PDZRN3: variants seen among roughly 807,000 people sequenced by gnomAD.
PDZRN3 encodes PDZ domain containing ring finger 3.
A neutral mutation model predicts 85.7 loss-of-function variants in PDZRN3; 38 were observed. The observed-to-expected ratio is 0.44, with a 90% confidence interval of 0.34 to 0.58. The LOEUF is 0.58. PDZRN3 is among the 20% of genes least tolerant of loss of function. The pLI is 0.01. For missense variants in PDZRN3, 1,629 were observed against 1,506.4 expected, an observed-to-expected ratio of 1.08 and a Z score of -1.35; for synonymous variants, 759 against 638.0, an observed-to-expected ratio of 1.19 and a Z score of -2.86.
chr3:73,519,626 G>C (rs1704317589), intron 3 of PDZRN3, among the ~76,000 whole-genome samples: 1 of 152,190 alleles, frequency 6.6e-6, no homozygotes, highest in Non-Finnish European at 1.5e-5. Context: ...GGCAGCCCAT[G>C]TCCAGGCATG....
intron 3 of PDZRN3, among the ~76,000 whole-genome samples, chr3:73,567,092 G>C (rs922529266): frequency 1.4e-4 from 21 of 152,248 alleles, no homozygotes; most frequent in African/African-American, 4.8e-4. Context: ...GAAAAACCTA[G>C]TTGTTATTAG....
intron 3 of PDZRN3, among the ~76,000 whole-genome samples, chr3:73,484,750 T>G (rs1703633235): frequency 6.6e-6 from 1 of 152,178 alleles, no homozygotes. Flanking sequence ...GCAACACCCA[T>G]GAGCTTCTTA....
Position 73,386,226 on chromosome 3 carries a change from CT to C in PDZRN3, c.1519-442del, listed in dbSNP as rs71126867. 6.5e-3 allele frequency among the ~76,000 whole-genome samples: 592 copies of C among 90,698 alleles called. 14 individuals are homozygous for C. Among genetic ancestry groups the C allele is most frequent in the South Asian group, 0.059 (153 of 2,582 alleles). The allele number at this position is 90,698 out of a possible 152,430, so 59.5% of individuals were successfully genotyped here. ...GCTGTTTGGCTTGGGCAAGATATCA[CT>C]TTTTTTTTTTTTTTTTTTGAGACAG... On this transcript the variant is annotated intron_variant, in intron 8 of 9. Coordinates refer to ENST00000263666, the MANE Select transcript of PDZRN3 (RefSeq NM_015009.3).
chr3:73,525,218 C>G (rs1704493811), intron 3 of PDZRN3, among the ~76,000 whole-genome samples: 1 of 152,048 alleles, frequency 6.6e-6, no homozygotes, highest in Non-Finnish European at 1.5e-5. Context: ...TAGCATGTTT[C>G]AGCATTTATA....
intron 3 of PDZRN3, among the ~76,000 whole-genome samples, chr3:73,429,233 T>C (rs910748643): frequency 2.0e-5 from 3 of 152,116 alleles, no homozygotes; most frequent in Non-Finnish European, 2.9e-5. Flanking sequence ...TCTTTTTCCA[T>C]ACCTACTTTG....
chr3:73,555,691 G>A (rs1056741480), intron 3 of PDZRN3, among the ~76,000 whole-genome samples: 16 of 152,078 alleles, frequency 1.1e-4, no homozygotes, highest in Non-Finnish European at 1.9e-4. Context: ...TTTAACAGCA[G>A]GAGAAGAGAA....
chr3:73,466,348 G>C (rs1205420497), intron 3 of PDZRN3, among the ~76,000 whole-genome samples: 1 of 151,306 alleles, frequency 6.6e-6, no homozygotes, highest in Non-Finnish European at 1.5e-5. Flanking sequence ...GGGGCCCTTG[G>C]AGTTCTTTTA....
At chr3:73,515,488 C>A (rs958367656) in intron 3 of PDZRN3, among the ~76,000 whole-genome samples, 5 of 152,168 alleles carry the variant, frequency 3.3e-5, no homozygotes, top group Non-Finnish European at 5.9e-5. Context: ...ATCAGCCCTT[C>A]TTAAACACCT....
intron 3 of PDZRN3, among the ~76,000 whole-genome samples, chr3:73,601,033 T>C (rs1225423693): frequency 6.6e-6 from 1 of 152,192 alleles, no homozygotes; most frequent in Non-Finnish European, 1.5e-5. Flanking sequence ...CATTTTAGCA[T>C]GTAAGTTAGC....
At chr3:73,410,776 A>G (rs1307292213) in intron 3 of PDZRN3, among the ~76,000 whole-genome samples, 1 of 152,216 alleles carries the variant, frequency 6.6e-6, no homozygotes, top group Non-Finnish European at 1.5e-5. Flanking sequence ...TCAGATACCA[A>G]TCCCACCTTA....
At position 73,586,825 on chromosome 3, in the gene PDZRN3, G is replaced by A. The variant is rs561792869; in HGVS notation, c.918+15529C>T. Among the ~76,000 whole-genome samples the A allele has an allele frequency of 1.1e-4, 17 of 152,304 alleles. No individual in the cohort carries two copies. The South Asian group carries it at 3.1e-3, about 28-fold the overall frequency. ...TTAGAAATGAGTTATGCCTCCAAAG[G>A]CTGGAGCTATGTCCCTTTGTGGTAA... On this transcript the variant is annotated intron_variant, in intron 3 of 9. Transcript: ENST00000263666.
At chr3:73,599,139 T>C (rs1384269072) in intron 3 of PDZRN3, among the ~76,000 whole-genome samples, 1 of 152,162 alleles carries the variant, frequency 6.6e-6, no homozygotes, top group Non-Finnish European at 1.5e-5. Flanking sequence ...CATACACACA[T>C]TGTACACCCA....
intron 3 of PDZRN3, among the ~76,000 whole-genome samples, chr3:73,576,344 C>T (rs939070507): frequency 3.3e-5 from 5 of 152,160 alleles, no homozygotes; most frequent in East Asian, 1.9e-4. Context: ...TATCTATATA[C>T]GTGATATAGG....
chr3:73,404,170 C>T lies in PDZRN3; in HGVS notation c.1144G>A (p.Asp382Asn). ...TACTCCTCTGGCAAGAGATAGGGAT[C>T]CAGCACGGGTGGGCTGGGAGAGGAC... ...KMSSPSPPVLDPYLLPEEHPS... is the reference protein window; with the variant it reads ...KMSSPSPPVLNPYLLPEEHPS... The change falls in exon 4 of 10, where the codon GAT (aspartate) becomes AAT (asparagine). Residue 382 changes from aspartate to asparagine, a missense_variant. Physicochemically the swap from Asp to Asn is conservative, Grantham distance 23 (BLOSUM62 1). Transcript: ENST00000263666. 9.9e-6 allele frequency: 16 copies of T among 1,613,896 alleles called. No individual in the cohort carries two copies. The highest frequency in any genetic ancestry group is 1.4e-5 in the Non-Finnish European group (16 of 1,179,884).
intron 3 of PDZRN3, among the ~76,000 whole-genome samples, chr3:73,577,323 T>C (rs1702140142): frequency 6.6e-6 from 1 of 152,194 alleles, no homozygotes; most frequent in South Asian, 2.1e-4. Context: ...CTCACTTATG[T>C]TTTACATTGC....
chr3:73,403,774 T>G (rs1447241804), intron 4 of PDZRN3, among the ~76,000 whole-genome samples: 1 of 152,216 alleles, frequency 6.6e-6, no homozygotes, highest in East Asian at 1.9e-4. Context: ...AGGGCTCTCT[T>G]GACACACACA....
intron 4 of PDZRN3, among the ~76,000 whole-genome samples, chr3:73,403,097 C>A (rs1378337140): frequency 1.3e-5 from 2 of 152,138 alleles, no homozygotes; most frequent in African/African-American, 4.8e-5. Flanking sequence ...GTGACCGCCA[C>A]CACACCTGGC....
At chr3:73,584,427 CAAGTT>C (rs966131493) in intron 3 of PDZRN3, among the ~76,000 whole-genome samples, 2 of 65,468 alleles carry the variant, frequency 3.1e-5, no homozygotes, top group Non-Finnish European at 7.5e-5. Context: ...ATTTCCAGCA[CAAGTT>C]AAGTGGTGCT....
At chr3:73,593,388 A>G (rs1702388419) in intron 3 of PDZRN3, among the ~76,000 whole-genome samples, 2 of 152,182 alleles carry the variant, frequency 1.3e-5, no homozygotes, top group African/African-American at 4.8e-5. Context: ...TTTGAGGGAC[A>G]GATTTAAAAC....
Sources: gnomAD v4.1 joint callset for allele counts (sites outside exome capture counted in the v4.1 genomes callset) on GRCh38, gnomAD v4.1.1 for gene constraint, MANE v1.5 for transcripts, NCBI Gene and HGNC (gene_info 2026-07-23, HGNC 2026-07-21) for gene names.